DNAJA2: variants seen among roughly 807,000 people sequenced by gnomAD.
DNAJA2 encodes the protein dnaJ homolog subfamily A member 2.
In DNAJA2, 6 loss-of-function variants were observed where a neutral mutation model predicts 49.3. The ratio of observed to expected loss-of-function variants is 0.12; its 90% CI spans 0.07 to 0.24. The LOEUF is 0.24. DNAJA2 is among the 10% of genes least tolerant of loss of function. The probability of loss-of-function intolerance (pLI) is 1.00; values close to 1 mark genes in which losing one functional copy is unlikely to be tolerated. For synonymous variants in DNAJA2, 160 were observed against 172.7 expected (o/e 0.93, Z 0.58); for missense variants, 347 against 516.8 (o/e 0.67, Z 3.19).
intron 5 of DNAJA2, 100 bp downstream of exon 5, chr16:46,967,413 G>A (rs1162645776): frequency 1.4e-6 from 2 of 1,450,814 alleles, no homozygotes; most frequent in East Asian, 4.7e-5. Flanking sequence ...TTAATAAGAT[G>A]TATACAAATA....
At position 46,956,483 on chromosome 16, in the gene DNAJA2, C is replaced by CA. The variant is rs1216378309; in HGVS notation, c.*545dup. 3.0e-5 allele frequency: 4 copies of CA among 133,464 alleles called. No homozygotes were observed. Among genetic ancestry groups the CA allele is most frequent in the African/African-American group, 1.1e-4 (4 of 35,928 alleles). 8.3% of individuals were successfully genotyped at this position (133,464 alleles called of 1,614,324 possible). A position where few individuals can be genotyped will look rare whatever the true frequency, so the allele number is the denominator to read the frequency against. On this transcript the variant is annotated 3_prime_UTR_variant, in exon 9 of 9. Coordinates refer to ENST00000317089, the MANE Select transcript of DNAJA2 (RefSeq NM_005880.4). ...AAGAAAAAAAAAACAAAACCAAAAA[C>CA]AAAAAAACTTTACAACCACAGCTAA...
At chr16:46,958,927 G>A (rs1302860614) in intron 8 of DNAJA2, 76 bp downstream of exon 8, 1 of 1,503,002 alleles carries the variant, frequency 6.7e-7, no homozygotes, top group Non-Finnish European at 8.9e-7. Flanking sequence ...CTGGGTGACA[G>A]AGACCCTGTC....
intron 4 of DNAJA2, 78 bp from the exon 5 acceptor site, chr16:46,967,724 T>G: frequency 6.3e-7 from 1 of 1,577,046 alleles, no homozygotes; most frequent in South Asian, 1.1e-5. Flanking sequence ...GAAATTGTGC[T>G]TTTACCTTCA....
chr16:46,965,832 CAA>C (rs765934380), intron 5 of DNAJA2, among the ~76,000 whole-genome samples: 46 of 55,632 alleles, frequency 8.3e-4, no homozygotes, highest in Admixed American at 1.4e-3. Context: ...CTCCGTCTCA[CAA>C]AAAAAAAAAA....
rs1309814218 is a variant in DNAJA2 at position 46,973,648 on chromosome 16, G to C, written c.-76C>G. 5 of 1,493,824 alleles carry C rather than the reference G, an allele frequency of 3.3e-6. No homozygotes were observed. The highest frequency in any genetic ancestry group is 1.7e-4 in the Middle Eastern group (1 of 5,778). 92.5% of individuals were successfully genotyped at this position (1,493,824 alleles called of 1,614,324 possible). A position where few individuals can be genotyped will look rare whatever the true frequency, so the allele number is the denominator to read the frequency against. The stretch of plus-strand genomic sequence containing the variant: ...GGAGTCGGGCCCACAAGCGGCGTCG[G>C]CGGCGGCACAGGCCGAGGGAGACAG... On this transcript the variant is annotated 5_prime_UTR_variant, in exon 1 of 9. Coordinates refer to ENST00000317089, the MANE Select transcript of DNAJA2 (RefSeq NM_005880.4).
In DNAJA2 at chr16:46,973,583, C is replaced by T; in HGVS notation, c.-11G>A. On this transcript the variant is annotated 5_prime_UTR_variant, in exon 1 of 9. Transcript: ENST00000317089. Reference sequence around the variant, plus strand: ...AGCCACGTTAGCCATGGCGGCCGGCCGGGCAGTGCTCGGGGAGAAGGTGGC... The same window carrying T: ...AGCCACGTTAGCCATGGCGGCCGGCTGGGCAGTGCTCGGGGAGAAGGTGGC... The T allele has an allele frequency of 1.3e-6, 2 of 1,591,034 alleles. No homozygotes were observed. The highest frequency in any genetic ancestry group is 1.7e-5 in the Admixed American group (1 of 58,606).
At chr16:46,971,715 C>T (rs931168723) in intron 2 of DNAJA2, 143 bp from the exon 3 acceptor site, 2 of 805,860 alleles carry the variant, frequency 2.5e-6, no homozygotes, top group Non-Finnish European at 3.9e-6. Context: ...GTTCTATTTA[C>T]CACCCACCGC....
chr16:46,961,101 G>A (rs1026116960), intron 6 of DNAJA2, among the ~76,000 whole-genome samples: 1 of 152,126 alleles, frequency 6.6e-6, no homozygotes, highest in Non-Finnish European at 1.5e-5. Flanking sequence ...CTTTGTTAAA[G>A]TCATACTATT....
In DNAJA2 at chr16:46,956,467, AAAAC is replaced by A. The variant is rs1402994420; in HGVS notation, c.*558_*561del. On this transcript the variant is annotated 3_prime_UTR_variant, in exon 9 of 9. Coordinates refer to ENST00000317089, the MANE Select transcript of DNAJA2 (RefSeq NM_005880.4). The stretch of plus-strand genomic sequence containing the variant: ...AAAAAAAAAAAGAAAAAAGAAAAAA[AAAAC>A]AAAACCAAAAACAAAAAAACTTTAC... 2.6e-5 allele frequency: 4 copies of A among 152,384 alleles called. No individual in the cohort carries two copies. Among genetic ancestry groups the A allele is most frequent in the Non-Finnish European group, 4.4e-5 (3 of 67,972 alleles). The allele number at this position is 152,384 out of a possible 1,614,324, so 9.4% of individuals were successfully genotyped here. A position where few individuals can be genotyped will look rare whatever the true frequency, so the allele number is the denominator to read the frequency against.
Position 46,973,471 on chromosome 16 carries a change from C to A in DNAJA2, c.78+24G>T, listed in dbSNP as rs764410506. The A allele has an allele frequency of 6.1e-5, 96 of 1,583,544 alleles. 1 individual carries two copies. The highest frequency in any genetic ancestry group is 7.9e-5 in the Non-Finnish European group (93 of 1,170,108). The stretch of plus-strand genomic sequence containing the variant: ...CCGCGCAGGCCCCGCGCCCCTCACA[C>A]CCGCCCGGCCCGCTCCCAGATACCT... On this transcript the variant is annotated intron_variant, in intron 1 of 8. Transcript: ENST00000317089.
Position 46,957,908 on chromosome 16 carries a change from G to C in DNAJA2, c.1048-688C>G, listed in dbSNP as rs550725952. On this transcript the variant is annotated intron_variant, in intron 8 of 8. Coordinates refer to ENST00000317089, the MANE Select transcript of DNAJA2 (RefSeq NM_005880.4). ...CTACTCCTCATCACCACCCACACCG[G>C]GTCTACTTTACTCCTCTACAATTCC... 2.6e-5 allele frequency among the ~76,000 whole-genome samples: 4 copies of C among 151,940 alleles called. No homozygotes were observed. The East Asian group carries it at 7.8e-4, about 30-fold the overall frequency.
At chr16:46,966,115 T>C (rs998228471) in intron 5 of DNAJA2, among the ~76,000 whole-genome samples, 22 of 152,032 alleles carry the variant, frequency 1.4e-4, no homozygotes, top group Non-Finnish European at 1.2e-4. Flanking sequence ...TCTCAGCTAA[T>C]TGTGGGGCGA....
At position 46,971,457 on chromosome 16, in the gene DNAJA2, T is replaced by C; in HGVS notation, c.254A>G (p.Asp85Gly). ...REGSGGGGGMDDIFSHIFGGG... is the reference protein window; with the variant it reads ...REGSGGGGGMGDIFSHIFGGG... ...ACCAAAAATGTGAGAGAAAATATCA[T>C]CCATGCCACCACCTCCGCCGCTGCC... The change falls in exon 3 of 9, where the codon GAT (aspartate) becomes GGT (glycine). Residue 85 changes from aspartate (D) to glycine (G), a missense_variant. Coordinates refer to ENST00000317089, the MANE Select transcript of DNAJA2 (RefSeq NM_005880.4). The C allele has an allele frequency of 6.2e-7, 1 of 1,614,020 alleles. No homozygotes were observed.
At chr16:46,972,063 C>CT in intron 1 of DNAJA2, 108 bp from the exon 2 acceptor site, 5 of 797,856 alleles carry the variant, frequency 6.3e-6, no homozygotes, top group Non-Finnish European at 1.0e-5. Context: ...GAGTTATAAC[C>CT]TTTCAAAAAT....
intron 5 of DNAJA2, among the ~76,000 whole-genome samples, chr16:46,967,227 C>G (rs1295676014): frequency 6.6e-6 from 1 of 152,050 alleles, no homozygotes; most frequent in Non-Finnish European, 1.5e-5. Context: ...GCTGGGACCA[C>G]AGACATGCCC....
chr16:46,973,665 G>T lies in DNAJA2; in HGVS notation c.-93C>A. The T allele has an allele frequency of 7.4e-7, 1 of 1,347,570 alleles. No homozygotes were observed. The highest frequency in any genetic ancestry group is 2.7e-5 in the East Asian group (1 of 37,396). The allele number at this position is 1,347,570 out of a possible 1,614,324, so 83.5% of individuals were successfully genotyped here. On this transcript the variant is annotated 5_prime_UTR_variant, in exon 1 of 9. Coordinates refer to ENST00000317089, the MANE Select transcript of DNAJA2 (RefSeq NM_005880.4). ...CGGCGTCGGCGGCGGCACAGGCCGA[G>T]GGAGACAGCGAGGGGGAAGCGGGGG...
At chr16:46,963,217 T>C (rs1961923450) in intron 6 of DNAJA2, among the ~76,000 whole-genome samples, 1 of 152,190 alleles carries the variant, frequency 6.6e-6, no homozygotes, top group African/African-American at 2.4e-5. Flanking sequence ...TGTGATCAAG[T>C]ACAAAGCTAG....
chr16:46,964,600 A>C lies in DNAJA2; in HGVS notation c.774+11T>G. 6.3e-7 allele frequency: 1 copy of C among 1,581,372 alleles called. No homozygotes were observed. Among genetic ancestry groups the C allele is most frequent in the Non-Finnish European group, 8.5e-7 (1 of 1,169,764 alleles). On this transcript the variant is annotated intron_variant, in intron 6 of 8. Coordinates refer to ENST00000317089, the MANE Select transcript of DNAJA2 (RefSeq NM_005880.4). Reference sequence around the variant, plus strand: ...AAACAAAATACAAAAAACTAAAAAAAGGAAAATCACCTCATGTTCTTTCTC... The same window carrying C: ...AAACAAAATACAAAAAACTAAAAAACGGAAAATCACCTCATGTTCTTTCTC...
At chr16:46,970,725 C>A (rs1363429375) in intron 3 of DNAJA2, among the ~76,000 whole-genome samples, 3 of 7,170 alleles carry the variant, frequency 4.2e-4, no homozygotes, top group Admixed American at 5.7e-3. Flanking sequence ...ACAGGGACTC[C>A]ATTTCAAAAA....
Sources: gnomAD v4.1 joint callset for allele counts (sites outside exome capture counted in the v4.1 genomes callset) on GRCh38, gnomAD v4.1.1 for gene constraint, MANE v1.5 for transcripts, NCBI Gene and HGNC (gene_info 2026-07-23, HGNC 2026-07-21) for gene names.